HDAC9: variants seen among roughly 807,000 people sequenced by gnomAD.
HDAC9 encodes histone deacetylase 9.
In HDAC9, 41 loss-of-function variants were observed where a neutral mutation model predicts 139.4. The ratio of observed to expected loss-of-function variants is 0.29; its 90% confidence interval spans 0.23 to 0.38. The LOEUF (loss-of-function observed/expected upper bound fraction) is 0.38, where lower values mean the gene tolerates loss of function less well. HDAC9 is among the 10% of genes least tolerant of loss of function. HDAC9 has a pLI of 1.00. For missense variants in HDAC9, 1,147 were observed against 1,297.0 expected (o/e 0.88, Z 1.78); for synonymous variants, 517 against 476.2 (o/e 1.09, Z -1.12).
intron 11 of HDAC9, among the ~76,000 whole-genome samples, chr7:18,663,029 T>A (rs1249079932): frequency 2.0e-5 from 3 of 151,908 alleles, no homozygotes; most frequent in African/African-American, 7.3e-5. Flanking sequence ...TTCAATGAAG[T>A]ATGGAGCCTA....
At chr7:18,902,057 A>C (rs577305089) in intron 22 of HDAC9, among the ~76,000 whole-genome samples, 7 of 152,190 alleles carry the variant, frequency 4.6e-5, no homozygotes, top group Non-Finnish European at 8.8e-5. Flanking sequence ...TGTGCTATGC[A>C]ATAAAGCTAC....
chr7:18,877,049 A>G (rs73684307), intron 22 of HDAC9, among the ~76,000 whole-genome samples: 2,579 of 152,230 alleles, frequency 0.017, 86 homozygotes, highest in African/African-American at 0.059. Context: ...ATTAGTGCCC[A>G]TGACCCTTAA....
chr7:18,995,375 C>A (rs1490134801), intron 25 of HDAC9, among the ~76,000 whole-genome samples: 1 of 152,188 alleles, frequency 6.6e-6, no homozygotes, highest in Non-Finnish European at 1.5e-5. Context: ...GAAAGGGTTA[C>A]TAAATTAAGG....
At chr7:18,437,053 A>G (rs536193838) in intron 1 of HDAC9, among the ~76,000 whole-genome samples, 1 of 152,300 alleles carries the variant, frequency 6.6e-6, no homozygotes, top group Admixed American at 6.5e-5. Flanking sequence ...AAATTTCCTC[A>G]CAGCACTAGC....
chr7:18,615,311 G>T (rs1374203953), intron 6 of HDAC9, among the ~76,000 whole-genome samples: 1 of 152,058 alleles, frequency 6.6e-6, no homozygotes, highest in Non-Finnish European at 1.5e-5. Context: ...CTTAGAAATA[G>T]GCCTATCACA....
At chr7:18,529,823 A>C (rs1808253166) in intron 2 of HDAC9, among the ~76,000 whole-genome samples, 1 of 152,086 alleles carries the variant, frequency 6.6e-6, no homozygotes, top group African/African-American at 2.4e-5. Flanking sequence ...CATTGATCTG[A>C]TGTGGTTCAT....
intron 2 of HDAC9, among the ~76,000 whole-genome samples, chr7:18,561,521 C>T (rs1425632300): frequency 1.3e-5 from 2 of 152,082 alleles, no homozygotes; most frequent in African/African-American, 4.8e-5. Flanking sequence ...GTTGTGCAAC[C>T]ATCACCACAA....
At chr7:18,860,686 CGGAA>C (rs1798039534) in intron 21 of HDAC9, among the ~76,000 whole-genome samples, 1 of 151,416 alleles carries the variant, frequency 6.6e-6, no homozygotes, top group Non-Finnish European at 1.5e-5. Flanking sequence ...AAAAGGAAGA[CGGAA>C]GAAAGGAAGG....
intron 1 of HDAC9, among the ~76,000 whole-genome samples, chr7:18,304,472 G>A (rs7806296): frequency 0.43 from 65,840 of 151,936 alleles, 15,148 homozygotes; most frequent in African/African-American, 0.59. Flanking sequence ...TTCTTAGCAA[G>A]CATCATGGAG....
intron 2 of HDAC9, among the ~76,000 whole-genome samples, chr7:18,571,468 T>G (rs1480456392): frequency 6.6e-6 from 1 of 152,242 alleles, no homozygotes; most frequent in Non-Finnish European, 1.5e-5. Flanking sequence ...ATTTCCACTT[T>G]TGCTGGTTTT....
intron 12 of HDAC9, among the ~76,000 whole-genome samples, chr7:18,724,876 TAA>T (rs943140886): frequency 6.6e-6 from 1 of 152,110 alleles, no homozygotes; most frequent in African/African-American, 2.4e-5. Flanking sequence ...CTCTAATATA[TAA>T]AAGACTATGG....
chr7:18,660,277 C>A (rs893367281), intron 11 of HDAC9, among the ~76,000 whole-genome samples: 2 of 151,816 alleles, frequency 1.3e-5, no homozygotes, highest in Non-Finnish European at 1.5e-5. Flanking sequence ...TAGATTAACT[C>A]CCTTTCTGCA....
rs148320437 is a variant in HDAC9, at chr7:18,446,948, C to T, written c.-41-49314C>T. 4.5e-3 allele frequency among the ~76,000 whole-genome samples: 681 copies of T among 152,160 alleles called. 2 individuals are homozygous for T. The highest frequency in any genetic ancestry group is 0.015 in the African/African-American group (610 of 41,536). On this transcript the variant is annotated intron_variant, in intron 1 of 3. Coordinates refer to the HDAC9 transcript ENST00000413509. ...TCACTACTATGAAAAAAAGATTCAACGTATATCTAAGTATATGCTAATCAA... is the reference window on the plus strand; with the variant it reads ...TCACTACTATGAAAAAAAGATTCAATGTATATCTAAGTATATGCTAATCAA...
At chr7:18,882,254 C>T (rs1241578819) in intron 22 of HDAC9, among the ~76,000 whole-genome samples, 1 of 152,022 alleles carries the variant, frequency 6.6e-6, no homozygotes, top group East Asian at 1.9e-4. Context: ...AGTTTTGAAT[C>T]ACATATTCCT....
In HDAC9 at chr7:18,644,652, T is replaced by G; in HGVS notation, c.913-19T>G. The G allele has an allele frequency of 6.2e-7, 1 of 1,600,020 alleles. No homozygotes were observed. Among genetic ancestry groups the G allele is most frequent in the Non-Finnish European group, 8.5e-7 (1 of 1,172,936 alleles). On this transcript the variant is annotated intron_variant, in intron 8 of 25. Coordinates refer to ENST00000686413, the MANE Select transcript of HDAC9 (RefSeq NM_178425.4). ...TTGTGATACTGTGGTATTTTGAGACTCTCCTCTTTTTTTAACAGCAAATGG... is the reference window on the plus strand; with the variant it reads ...TTGTGATACTGTGGTATTTTGAGACGCTCCTCTTTTTTTAACAGCAAATGG...
rs559622747 is a variant in HDAC9 at position 18,898,432 on chromosome 7, A to G, written c.2803+23836A>G. Among the ~76,000 whole-genome samples the G allele has an allele frequency of 2.0e-5, 3 of 152,082 alleles. No individual in the cohort carries two copies. In the Middle Eastern group the frequency reaches 0.01, roughly 517 times the overall value. On this transcript the variant is annotated intron_variant, in intron 22 of 25. Coordinates refer to ENST00000686413, the MANE Select transcript of HDAC9 (RefSeq NM_178425.4). Reference sequence around the variant, plus strand: ...AATTCTAAAAGCATGTTATATTTTCAGAAAAATAATGAGTGGCCTCATGTT... The same window carrying G: ...AATTCTAAAAGCATGTTATATTTTCGGAAAAATAATGAGTGGCCTCATGTT...
intron 1 of HDAC9, among the ~76,000 whole-genome samples, chr7:18,109,144 T>C (rs574490200): frequency 3.3e-5 from 5 of 152,336 alleles, no homozygotes; most frequent in South Asian, 2.1e-4. Flanking sequence ...GAATTATCCA[T>C]GTGGAAACAG....
At chr7:18,161,656 G>C (rs113717247) in intron 1 of HDAC9, among the ~76,000 whole-genome samples, 5 of 152,230 alleles carry the variant, frequency 3.3e-5, no homozygotes, top group African/African-American at 1.2e-4. Flanking sequence ...TCCTAGAAAG[G>C]CTATGGTTGC....
At chr7:18,742,431 ATTGGTTTCT>A (rs1787546122) in intron 13 of HDAC9, among the ~76,000 whole-genome samples, 1 of 152,208 alleles carries the variant, frequency 6.6e-6, no homozygotes, top group Non-Finnish European at 1.5e-5. Flanking sequence ...AGGTATGTAC[ATTGGTTTCT>A]TTGACACAAT....
Sources: gnomAD v4.1 joint callset for allele counts (sites outside exome capture counted in the v4.1 genomes callset) on GRCh38, gnomAD v4.1.1 for gene constraint, MANE v1.5 for transcripts, NCBI Gene and HGNC (gene_info 2026-07-23, HGNC 2026-07-21) for gene names.